CACNB2: variants seen among roughly 807,000 people sequenced by gnomAD.
The protein encoded by CACNB2 is voltage-dependent L-type calcium channel subunit beta-2.
CACNB2 carries 42 observed loss-of-function variants against 73.3 expected under a neutral mutation model. The ratio of observed to expected loss-of-function variants is 0.57; its 90% CI spans 0.45 to 0.74. The LOEUF (loss-of-function observed/expected upper bound fraction) is 0.74. Ranked by LOEUF, CACNB2 falls within the 30% of genes least tolerant of loss-of-function variation. CACNB2 has a pLI of 0.00. For synonymous variants in CACNB2, 348 were observed against 310.3 expected (o/e 1.12, Z -1.28); for missense variants, 940 against 853.0 (o/e 1.10, Z -1.27).
intron 4 of CACNB2, among the ~76,000 whole-genome samples, chr10:18,499,805 TAA>T (rs60864177): frequency 6.5e-4 from 76 of 117,792 alleles, no homozygotes; most frequent in Admixed American, 8.2e-4. Context: ...ACCCCATCTC[TAA>T]AAAAAAAAAA....
At chr10:18,329,346 C>T (rs977206267) in intron 2 of CACNB2, among the ~76,000 whole-genome samples, 2 of 152,036 alleles carry the variant, frequency 1.3e-5, no homozygotes, top group Non-Finnish European at 2.9e-5. Context: ...CATGAATGAA[C>T]GTCTTGCTTG....
intron 2 of CACNB2, among the ~76,000 whole-genome samples, chr10:18,166,740 G>A (rs2032881282): frequency 6.6e-6 from 1 of 152,106 alleles, no homozygotes; most frequent in Non-Finnish European, 1.5e-5. Flanking sequence ...TCTGGGGACT[G>A]TTGTCGGGTA....
chr10:18,231,762 C>T (rs2036234720), intron 2 of CACNB2, among the ~76,000 whole-genome samples: 1 of 152,192 alleles, frequency 6.6e-6, no homozygotes, highest in Admixed American at 6.5e-5. Context: ...TTGTTTGCTC[C>T]CTGAGTCTCT....
intron 3 of CACNB2, among the ~76,000 whole-genome samples, chr10:18,435,270 A>G (rs1782440999): frequency 6.6e-6 from 1 of 152,194 alleles, no homozygotes; most frequent in South Asian, 2.1e-4. Context: ...AGGCAGGCGG[A>G]GGCATAGTGC....
At chr10:18,513,018 T>G (rs2050913735) in intron 6 of CACNB2, 1 of 172,798 alleles carries the variant, frequency 5.8e-6, no homozygotes, top group Non-Finnish European at 1.2e-5. Context: ...CTGAGCATAC[T>G]TCTCAGATGT....
At chr10:18,277,276 C>A (rs915961811) in intron 2 of CACNB2, among the ~76,000 whole-genome samples, 3 of 152,182 alleles carry the variant, frequency 2.0e-5, no homozygotes, top group Admixed American at 6.5e-5. Context: ...GAGGAGTGGC[C>A]TATAAAGGCA....
intron 3 of CACNB2, among the ~76,000 whole-genome samples, chr10:18,434,428 A>G (rs2046035083): frequency 6.6e-6 from 1 of 152,218 alleles, no homozygotes; most frequent in Admixed American, 6.5e-5. Context: ...AGTTTCCAGA[A>G]TTACTAAAAA....
At chr10:18,341,102 T>C in intron 2 of CACNB2, 1 of 998,930 alleles carries the variant, frequency 1.0e-6, no homozygotes, top group Admixed American at 1.8e-5. Context: ...GACTTTCTTA[T>C]CTTGCCAGAA....
At chr10:18,471,704 T>G (rs1017230060) in intron 3 of CACNB2, among the ~76,000 whole-genome samples, 2 of 152,218 alleles carry the variant, frequency 1.3e-5, no homozygotes, top group African/African-American at 4.8e-5. Flanking sequence ...GTTCTTCATT[T>G]GCAAAGTGGG....
At chr10:18,403,222 G>A (rs2044100305) in intron 3 of CACNB2, among the ~76,000 whole-genome samples, 1 of 152,194 alleles carries the variant, frequency 6.6e-6, no homozygotes, top group African/African-American at 2.4e-5. Flanking sequence ...GGTGGAAACT[G>A]ATAAAACTGG....
intron 2 of CACNB2, among the ~76,000 whole-genome samples, chr10:18,318,233 G>A (rs564685368): frequency 5.3e-5 from 8 of 152,182 alleles, no homozygotes; most frequent in Admixed American, 3.3e-4. Context: ...TACACTACAA[G>A]GCTGCAGTAA....
At chr10:18,346,036 A>C (rs2041437097) in intron 2 of CACNB2, among the ~76,000 whole-genome samples, 1 of 152,296 alleles carries the variant, frequency 6.6e-6, no homozygotes, top group African/African-American at 2.4e-5. Flanking sequence ...CAGGGCTGGC[A>C]GGGCCTGGCA....
chr10:18,171,521 G>GAAA (rs370201485), intron 2 of CACNB2, among the ~76,000 whole-genome samples: 574 of 32,580 alleles, frequency 0.018, 78 homozygotes, highest in Non-Finnish European at 0.024. Context: ...TTTGATAGCA[G>GAAA]AAAAAAAAAA....
intron 3 of CACNB2, among the ~76,000 whole-genome samples, chr10:18,448,664 T>G (rs550900432): frequency 1.3e-5 from 2 of 152,172 alleles, no homozygotes; most frequent in East Asian, 3.9e-4. Flanking sequence ...CAGGTGATGC[T>G]GATGCAGTTG....
intron 2 of CACNB2, among the ~76,000 whole-genome samples, chr10:18,350,121 T>C (rs1218986172): frequency 6.6e-6 from 1 of 152,060 alleles, no homozygotes; most frequent in Non-Finnish European, 1.5e-5. Context: ...GGCGAGTGCC[T>C]GTAATCCCAG....
At chr10:18,143,308 T>A (rs558728615) in intron 1 of CACNB2, among the ~76,000 whole-genome samples, 1 of 152,168 alleles carries the variant, frequency 6.6e-6, no homozygotes. Flanking sequence ...AGCAGACAGA[T>A]GTAACAGTTT....
At chr10:18,161,453 CTACCAGCT>C in intron 2 of CACNB2, among the ~76,000 whole-genome samples, 1 of 152,262 alleles carries the variant, frequency 6.6e-6, no homozygotes, top group East Asian at 1.9e-4. Context: ...CACTATGACC[CTACCAGCT>C]TTTCCTTCTT....
intron 2 of CACNB2, among the ~76,000 whole-genome samples, chr10:18,168,654 C>T (rs1320500304): frequency 6.6e-6 from 1 of 152,140 alleles, no homozygotes; most frequent in Admixed American, 6.6e-5. Context: ...ATTAAATTTT[C>T]CACATTTTAC....
At chr10:18,232,311 C>A (rs1159074541) in intron 2 of CACNB2, among the ~76,000 whole-genome samples, 1 of 151,948 alleles carries the variant, frequency 6.6e-6, no homozygotes, top group Non-Finnish European at 1.5e-5. Flanking sequence ...TAGCATTTTG[C>A]AGAAGAGTGA....
Sources: gnomAD v4.1 joint callset for allele counts (sites outside exome capture counted in the v4.1 genomes callset) on GRCh38, gnomAD v4.1.1 for gene constraint, MANE v1.5 for transcripts, NCBI Gene and HGNC (gene_info 2026-07-23, HGNC 2026-07-21) for gene names.